The following SERINC1 variants were observed in gnomAD, a reference collection of about 807,000 sequenced individuals.
SERINC1 encodes the protein tumor differentially expressed protein 2.
Under a neutral mutation model 52.9 loss-of-function variants are expected in SERINC1, and 38 were observed. The observed-to-expected ratio is 0.72, with a 90% CI of 0.55 to 0.94. The LOEUF (loss-of-function observed/expected upper bound fraction) is 0.94, where lower values mean the gene tolerates loss of function less well. Among genes scored for constraint, SERINC1 ranks in the 40% least tolerant of loss-of-function variants. The pLI is 0.00. For missense variants in SERINC1, 471 were observed against 533.9 expected, an observed-to-expected ratio of 0.88 and a Z score of 1.16; for synonymous variants, 198 against 183.1, an observed-to-expected ratio of 1.08 and a Z score of -0.66.
chr6:122,458,802 C>T (rs1775048345), intron 1 of SERINC1, 121 bp from the exon 2 acceptor site: 1 of 665,226 alleles, frequency 1.5e-6, no homozygotes, highest in Non-Finnish European at 2.5e-6. Flanking sequence ...AAAGTAATTA[C>T]ATCAAGGGAC....
chr6:122,471,592 G>C, intron 1 of SERINC1, 107 bp downstream of exon 1: 1 of 1,371,558 alleles, frequency 7.3e-7, no homozygotes, highest in Non-Finnish European at 1.0e-6. Context: ...GGCACTCCCT[G>C]TTGGGTGGGG....
intron 1 of SERINC1, among the ~76,000 whole-genome samples, chr6:122,460,435 C>G (rs1237654247): frequency 6.6e-6 from 1 of 152,064 alleles, no homozygotes; most frequent in Non-Finnish European, 1.5e-5. Context: ...GAGAATTTTA[C>G]CACCCAGAGG....
intron 7 of SERINC1, among the ~76,000 whole-genome samples, chr6:122,451,310 T>C (rs1373875003): frequency 6.6e-6 from 1 of 152,160 alleles, no homozygotes; most frequent in Admixed American, 6.5e-5. Flanking sequence ...AATTAAGGAA[T>C]GTACATTGTT....
chr6:122,466,197 G>A (rs930637119), intron 1 of SERINC1, among the ~76,000 whole-genome samples: 2 of 152,172 alleles, frequency 1.3e-5, no homozygotes, highest in African/African-American at 2.4e-5. Flanking sequence ...TCAGTGAGCC[G>A]AGATCACGCC....
chr6:122,446,637 C>G (rs1236605902), intron 9 of SERINC1, 137 bp downstream of exon 9: 2 of 617,970 alleles, frequency 3.2e-6, no homozygotes, highest in Non-Finnish European at 5.7e-6. Flanking sequence ...TCATGCTGAT[C>G]TCACTATTCA....
intron 5 of SERINC1, among the ~76,000 whole-genome samples, chr6:122,452,760 G>A (rs1296492244): frequency 2.7e-5 from 4 of 150,878 alleles, no homozygotes; most frequent in African/African-American, 9.7e-5. Flanking sequence ...AGAAACCCTT[G>A]CATTAGACTT....
At chr6:122,454,119 C>A (rs1774958104) in intron 4 of SERINC1, 32 bp downstream of exon 4, 1 of 1,326,368 alleles carries the variant, frequency 7.5e-7, no homozygotes, top group South Asian at 1.3e-5. Context: ...TATAAAATAT[C>A]AATGTCAAAC....
intron 1 of SERINC1, among the ~76,000 whole-genome samples, chr6:122,462,944 C>A (rs1356783551): frequency 1.3e-5 from 2 of 152,082 alleles, no homozygotes; most frequent in Non-Finnish European, 2.9e-5. Context: ...AATCACAATC[C>A]CAACATCAGA....
At position 122,445,010 on chromosome 6, in the gene SERINC1, A is replaced by C. The variant is rs759760155; in HGVS notation, c.*34T>G. The C allele has an allele frequency of 6.3e-7, 1 of 1,596,816 alleles. No homozygotes were observed. Among genetic ancestry groups the C allele is most frequent in the South Asian group, 1.1e-5 (1 of 87,974 alleles). Reference sequence around the variant, plus strand: ...GGAATACTGTTTTCAAATAAGCAATAATCAAAGTGGGACTTTCATGCTAGA... The same window carrying C: ...GGAATACTGTTTTCAAATAAGCAATCATCAAAGTGGGACTTTCATGCTAGA... On this transcript the variant is annotated 3_prime_UTR_variant, in exon 10 of 10. Transcript: ENST00000339697.
rs1346403477 is a variant in SERINC1 at position 122,453,793 on chromosome 6, C to T, written c.566G>A (p.Gly189Glu). ...NESWVEKMEE[G>E]NSRCWYAALL... ...ACCTGCATACCAACATCTCGAGTTC[C>T]CTTCTTCCATTTTTTCAACCCACGA... is the stretch of plus-strand genomic sequence containing the variant. Residue 189 changes from glycine (G) to glutamate (E), a missense_variant, in exon 5 of 10, where the codon GGG becomes GAG. Gly to Glu is a moderately conservative substitution (Grantham distance 98, BLOSUM62 -2). Transcript: ENST00000339697. 2 of 1,606,900 alleles carry T rather than the reference C, an allele frequency of 1.2e-6. No individual in the cohort carries two copies. The highest frequency in any genetic ancestry group is 1.7e-6 in the Non-Finnish European group (2 of 1,175,286).
intron 1 of SERINC1, among the ~76,000 whole-genome samples, chr6:122,459,354 A>C (rs1246329058): frequency 6.6e-6 from 1 of 152,164 alleles, no homozygotes; most frequent in Non-Finnish European, 1.5e-5. Flanking sequence ...TATTCTCATA[A>C]TATCATAACC....
At chr6:122,449,847 T>G (rs1774874024) in intron 7 of SERINC1, among the ~76,000 whole-genome samples, 2 of 152,066 alleles carry the variant, frequency 1.3e-5, no homozygotes, top group African/African-American at 4.8e-5. Flanking sequence ...TGAAACCCAA[T>G]CTCTACTAAA....
At position 122,451,671 on chromosome 6, in the gene SERINC1, A is replaced by G; in HGVS notation, c.843T>C (p.Asn281=). ...TMYLTWSAMT[N]EPETNCNPSL... is the part of the protein sequence containing the mutation. ...AATATAAATAAAACACACCTGGTTC[A>G]TTGGTCATAGCTGACCATGTCAAAT... The change falls in exon 7 of 10, where the codon AAT becomes AAC. Residue 281 remains asparagine, a synonymous_variant. Coordinates refer to ENST00000339697, the MANE Select transcript of SERINC1 (RefSeq NM_020755.4). 8.5e-7 allele frequency: 1 copy of G among 1,179,610 alleles called. No individual in the cohort carries two copies. The allele number at this position is 1,179,610 out of a possible 1,614,324, so 73.1% of individuals were successfully genotyped here.
At chr6:122,449,770 A>T (rs1412521628) in intron 7 of SERINC1, among the ~76,000 whole-genome samples, 1 of 152,236 alleles carries the variant, frequency 6.6e-6, no homozygotes, top group Non-Finnish European at 1.5e-5. Flanking sequence ...TAAGTTCAGC[A>T]CTTTGGGAGG....
At chr6:122,454,665 T>C (rs1774967609) in intron 3 of SERINC1, 1 of 157,060 alleles carries the variant, frequency 6.4e-6, no homozygotes, top group South Asian at 2.0e-4. Context: ...TGACATTGAT[T>C]CCAGGGGACC....
Position 122,461,874 on chromosome 6 carries a change from TA to T in SERINC1, c.40-3194del, listed in dbSNP as rs534302351. 2.6e-3 allele frequency among the ~76,000 whole-genome samples: 396 copies of T among 151,992 alleles called. 4 individuals are homozygous for T. The highest frequency in any genetic ancestry group is 9.0e-3 in the African/African-American group (374 of 41,484). ...ATGAAAGAGACATATTCTTCTTATT[TA>T]AAAAAATGGGCCAGAATTACAGAGA... is the stretch of plus-strand genomic sequence containing the variant. On this transcript the variant is annotated intron_variant, in intron 1 of 9. Transcript: ENST00000339697.
chr6:122,448,551 C>G (rs1774848099), intron 7 of SERINC1, among the ~76,000 whole-genome samples: 1 of 151,968 alleles, frequency 6.6e-6, no homozygotes. Flanking sequence ...TATAACTAGC[C>G]TATAATAAGA....
chr6:122,468,226 A>G (rs1775219475), intron 1 of SERINC1, among the ~76,000 whole-genome samples: 1 of 152,212 alleles, frequency 6.6e-6, no homozygotes, highest in African/African-American at 2.4e-5. Context: ...GTCTTATACA[A>G]TGTTTTTCTT....
At chr6:122,455,145 A>G (rs1363036368) in intron 3 of SERINC1, among the ~76,000 whole-genome samples, 1 of 152,130 alleles carries the variant, frequency 6.6e-6, no homozygotes, top group African/African-American at 2.4e-5. Flanking sequence ...CAAGTTGACA[A>G]TGGGTAGACT....
Sources: allele counts gnomAD v4.1 joint callset (sites outside exome capture counted in the v4.1 genomes callset), GRCh38; gene constraint gnomAD v4.1.1; transcripts MANE v1.5; gene names NCBI Gene and HGNC (gene_info 2026-07-23, HGNC 2026-07-21).